PRKG1: variants seen among roughly 807,000 people sequenced by gnomAD.
PRKG1 encodes the protein cGMP-dependent protein kinase 1.
Under a neutral mutation model 88.1 loss-of-function variants are expected in PRKG1, and 35 were observed. That is an observed-to-expected ratio of 0.40 (90% CI 0.30 to 0.53). PRKG1 has a LOEUF of 0.53. Among genes scored for constraint, PRKG1 ranks in the 20% least tolerant of loss-of-function variants. The pLI is 0.59. For synonymous variants in PRKG1, 303 were observed against 292.5 expected, an observed-to-expected ratio of 1.04 and a Z score of -0.37; for missense variants, 540 against 839.8, an observed-to-expected ratio of 0.64 and a Z score of 4.41.
chr10:51,578,387 G>C (rs923344980), intron 3 of PRKG1, among the ~76,000 whole-genome samples: 1 of 151,926 alleles, frequency 6.6e-6, no homozygotes, highest in African/African-American at 2.4e-5. Context: ...ATTTTTCCTT[G>C]TCATTTTCTG....
At chr10:51,040,554 G>A (rs1365272936) in intron 1 of PRKG1, among the ~76,000 whole-genome samples, 6 of 151,650 alleles carry the variant, frequency 4.0e-5, no homozygotes, top group Middle Eastern at 3.4e-3. Context: ...TCCTGACCTC[G>A]TGATACACCC....
rs35361017 is a variant in PRKG1 at position 50,991,328 on chromosome 10, C to CGCT, written c.-49_-48insTGC. 0.24 allele frequency: 349,938 copies of CGCT among 1,476,694 alleles called. 38,643 individuals are homozygous for CGCT. Among genetic ancestry groups the CGCT allele is most frequent in the East Asian group, 0.35 (12,371 of 35,276 alleles). The allele number at this position is 1,476,694 out of a possible 1,614,324, so 91.5% of individuals were successfully genotyped here. On this transcript the variant is annotated 5_prime_UTR_variant, in exon 1 of 18. Coordinates refer to the PRKG1 transcript ENST00000401604. This position sits in a 1 kb window ranked among gnomAD's most constrained non-coding sequence, Gnocchi z 4.5. ...CCGTCCCAGCCGCCGCCGCCGCCGC[C>CGCT]GCCGCCGCCGCCGCCCGAGAAAAAG...
At chr10:52,274,403 T>A (rs915248332) in intron 12 of PRKG1, among the ~76,000 whole-genome samples, 3 of 151,856 alleles carry the variant, frequency 2.0e-5, no homozygotes, top group Non-Finnish European at 4.4e-5. Flanking sequence ...AATTACTTCA[T>A]TTAGAATAAT....
intron 1 of PRKG1, among the ~76,000 whole-genome samples, chr10:51,081,191 C>T (rs762217620): frequency 4.0e-5 from 6 of 151,498 alleles, no homozygotes; most frequent in Non-Finnish European, 5.9e-5. Context: ...ATATTTTAAG[C>T]GTGAAATTTA....
intron 2 of PRKG1, chr10:51,306,743 G>A (rs1841048868): frequency 1.3e-5 from 2 of 152,166 alleles, no homozygotes; most frequent in Admixed American, 1.3e-4. Context: ...GACAATATTA[G>A]CAGAAATTAT....
At chr10:51,016,952 C>A (rs1031949043) in intron 1 of PRKG1, among the ~76,000 whole-genome samples, 1 of 151,490 alleles carries the variant, frequency 6.6e-6, no homozygotes, top group African/African-American at 2.4e-5. Flanking sequence ...CATGTGTGAG[C>A]CACCGTGCCT....
chr10:51,803,981 T>C (rs2132609943), intron 3 of PRKG1, among the ~76,000 whole-genome samples: 1 of 152,262 alleles, frequency 6.6e-6, no homozygotes, highest in East Asian at 1.9e-4. Flanking sequence ...TCAAAGATAG[T>C]GGTGCATAAG....
chr10:51,854,896 A>T (rs1840641940), intron 4 of PRKG1, among the ~76,000 whole-genome samples: 1 of 152,182 alleles, frequency 6.6e-6, no homozygotes, highest in African/African-American at 2.4e-5. Context: ...GCCCACCAGC[A>T]GCTAAACAGA....
chr10:52,248,137 C>T (rs772518147), intron 9 of PRKG1, among the ~76,000 whole-genome samples: 1 of 152,178 alleles, frequency 6.6e-6, no homozygotes, highest in Non-Finnish European at 1.5e-5. Context: ...AGTGGTTTTC[C>T]GCCCTGGGCG....
intron 8 of PRKG1, among the ~76,000 whole-genome samples, chr10:52,146,690 G>T (rs1837738116): frequency 1.3e-5 from 2 of 152,084 alleles, no homozygotes; most frequent in South Asian, 4.1e-4. Context: ...GAGTTTCTTT[G>T]TCATAGTTTC....
At chr10:51,988,640 TTTC>T (rs1844224186) in intron 5 of PRKG1, among the ~76,000 whole-genome samples, 1 of 152,008 alleles carries the variant, frequency 6.6e-6, no homozygotes, top group Non-Finnish European at 1.5e-5. Flanking sequence ...GCTATTCAGG[TTTC>T]TTCTTCTGTG....
At chr10:51,481,743 T>C (rs1840366951) in intron 3 of PRKG1, among the ~76,000 whole-genome samples, 1 of 152,088 alleles carries the variant, frequency 6.6e-6, no homozygotes, top group African/African-American at 2.4e-5. Flanking sequence ...AGGCTCATTT[T>C]TTTTTTTTTC....
chr10:51,473,507 T>C (rs1028770005), intron 3 of PRKG1, among the ~76,000 whole-genome samples: 2 of 151,908 alleles, frequency 1.3e-5, no homozygotes, highest in Non-Finnish European at 2.9e-5. Flanking sequence ...CCAGGCCTGG[T>C]AGATAGTCAT....
intron 2 of PRKG1, among the ~76,000 whole-genome samples, chr10:51,174,189 A>C (rs1358844678): frequency 3.3e-5 from 5 of 151,936 alleles, no homozygotes; most frequent in Non-Finnish European, 7.4e-5. Context: ...TGGGCACTAT[A>C]AGAATATATA....
At chr10:51,221,581 T>C (rs1838531764) in intron 2 of PRKG1, among the ~76,000 whole-genome samples, 1 of 149,750 alleles carries the variant, frequency 6.7e-6, no homozygotes, top group Non-Finnish European at 1.5e-5. Flanking sequence ...GCAGCCACCA[T>C]GATAATTTCA....
intron 2 of PRKG1, among the ~76,000 whole-genome samples, chr10:51,384,544 G>A: frequency 6.6e-6 from 1 of 152,118 alleles, no homozygotes; most frequent in Non-Finnish European, 1.5e-5. Flanking sequence ...GAGTTTGATT[G>A]TTAATCAAAA....
intron 1 of PRKG1, among the ~76,000 whole-genome samples, chr10:51,096,997 A>C (rs1013536533): frequency 5.3e-5 from 8 of 152,178 alleles, no homozygotes; most frequent in Non-Finnish European, 8.8e-5. Context: ...TTGGAAATCT[A>C]GTTCCCTCTA....
At chr10:52,151,593 T>C (rs1000417568) in intron 8 of PRKG1, among the ~76,000 whole-genome samples, 1 of 152,192 alleles carries the variant, frequency 6.6e-6, no homozygotes, top group Non-Finnish European at 1.5e-5. Flanking sequence ...CTTTTGTTAG[T>C]ATGGATTTTA....
intron 3 of PRKG1, among the ~76,000 whole-genome samples, chr10:51,606,804 T>C (rs1052974927): frequency 3.9e-5 from 6 of 152,162 alleles, no homozygotes; most frequent in Non-Finnish European, 8.8e-5. Flanking sequence ...CAATTGTTCC[T>C]GGAATGAGAT....
Sources: allele counts gnomAD v4.1 joint callset (sites outside exome capture counted in the v4.1 genomes callset), GRCh38; gene constraint gnomAD v4.1.1; non-coding constraint Gnocchi (gnomAD v3.1); transcripts MANE v1.5; gene names NCBI Gene and HGNC (gene_info 2026-07-23, HGNC 2026-07-21).